Variants in CPLANE1 observed in about 807,000 individuals in gnomAD.
The protein encoded by CPLANE1 is ciliogenesis and planar polarity effector complex subunit 1.
CPLANE1 carries 263 observed loss-of-function variants against 362.5 expected under a neutral mutation model. The observed-to-expected ratio is 0.73, with a 90% confidence interval of 0.66 to 0.80. The LOEUF (loss-of-function observed/expected upper bound fraction) is 0.80. Among genes scored for constraint, CPLANE1 ranks in the 30% least tolerant of loss-of-function variants. The probability of loss-of-function intolerance (pLI) is 0.00; values close to 1 mark genes in which losing one functional copy is unlikely to be tolerated. For missense variants in CPLANE1, 3,461 were observed against 3,793.4 expected, an observed-to-expected ratio of 0.91 and a Z score of 2.30; for synonymous variants, 1,212 against 1,302.6, an observed-to-expected ratio of 0.93 and a Z score of 1.50.
chr5:37,215,207 G>A lies in CPLANE1; in HGVS notation c.2747-1475C>T, dbSNP rs542549389. ...TGGGATTATAGGCACGTGCCACCACGCCCGGCTAATTTTGTATTTTTAGTA... is the reference window on the plus strand; with the variant it reads ...TGGGATTATAGGCACGTGCCACCACACCCGGCTAATTTTGTATTTTTAGTA... On this transcript the variant is annotated intron_variant, in intron 15 of 52. Transcript: ENST00000651892. Among the ~76,000 whole-genome samples the A allele has an allele frequency of 9.3e-4, 141 of 152,054 alleles. 1 individual carries two copies. Among genetic ancestry groups the A allele is most frequent in the East Asian group, 5.8e-4 (3 of 5,172 alleles).
chr5:37,224,372 A>G, intron 13 of CPLANE1, 39 bp from the exon 14 acceptor site: 1 of 1,392,100 alleles, frequency 7.2e-7, no homozygotes, highest in Non-Finnish European at 9.8e-7. Flanking sequence ...ATAGTTAATT[A>G]TATTACTTCA....
chr5:37,239,023 A>G, intron 7 of CPLANE1, 63 bp from the exon 8 acceptor site: 1 of 819,880 alleles, frequency 1.2e-6, no homozygotes, highest in Non-Finnish European at 1.9e-6. Context: ...ATTATTTATA[A>G]TTCTGGTGAC....
At chr5:37,244,259 TCCATA>T (rs1435343883) in intron 5 of CPLANE1, 111 bp downstream of exon 5, 17 of 617,326 alleles carry the variant, frequency 2.8e-5, no homozygotes, top group Non-Finnish European at 4.4e-5. Context: ...AAATATCTTT[TCCATA>T]CAAGAATTTC....
intron 18 of CPLANE1, among the ~76,000 whole-genome samples, chr5:37,204,695 G>GGAGGAGTCA (rs1315383531): frequency 6.6e-6 from 1 of 151,432 alleles, no homozygotes; most frequent in Non-Finnish European, 1.5e-5. Flanking sequence ...TTGCTCTGCA[G>GGAGGAGTCA]GAGGAGTCAG....
intron 15 of CPLANE1, among the ~76,000 whole-genome samples, chr5:37,215,951 T>C (rs1190593312): frequency 6.6e-6 from 1 of 151,874 alleles, no homozygotes; most frequent in Non-Finnish European, 1.5e-5. Context: ...CCCGCCTCAG[T>C]CTCCTGAGTA....
chr5:37,187,733 C>A lies in CPLANE1; in HGVS notation c.3921G>T (p.Lys1307Asn). The A allele has an allele frequency of 1.2e-6, 2 of 1,610,756 alleles. No homozygotes were observed. Among genetic ancestry groups the A allele is most frequent in the Non-Finnish European group, 8.5e-7 (1 of 1,177,864 alleles). The change falls in exon 22 of 53, where the codon AAG becomes AAT. Residue 1307 changes from lysine (K) to asparagine (N), a missense_variant and splice_region_variant. Physicochemically the swap from Lys to Asn is moderately conservative, Grantham distance 94. This residue lies in a region of CPLANE1 where 3,380 missense variants were observed against 3,666.1 expected (regional missense o/e 0.92). Coordinates refer to ENST00000651892, the MANE Select transcript of CPLANE1 (RefSeq NM_001384732.1). ...QKARENVKGE[K>N]DLEVEFDSCM... Reference sequence around the variant, plus strand: ...TTCTTATTTTTGCCCTGGTAAATACCTTTTCTCCTTTTACATTTTCTCTTG... The same window carrying A: ...TTCTTATTTTTGCCCTGGTAAATACATTTTCTCCTTTTACATTTTCTCTTG...
At chr5:37,212,416 A>G (rs2150228821) in intron 16 of CPLANE1, 1 of 761,778 alleles carries the variant, frequency 1.3e-6, no homozygotes, top group African/African-American at 1.7e-5. Context: ...CTTACATACC[A>G]TGAGAAATTA....
chr5:37,189,125 C>T (rs910183269), intron 21 of CPLANE1, among the ~76,000 whole-genome samples: 1 of 152,178 alleles, frequency 6.6e-6, no homozygotes, highest in Non-Finnish European at 1.5e-5. Flanking sequence ...AGCTACCACA[C>T]CCAGCCTATG....
chr5:37,218,059 G>A (rs553788596), intron 15 of CPLANE1, among the ~76,000 whole-genome samples: 1 of 152,224 alleles, frequency 6.6e-6, no homozygotes, highest in African/African-American at 2.4e-5. Flanking sequence ...TATTTAATAA[G>A]GTAGGTGTGC....
chr5:37,244,591 C>T lies in CPLANE1; in HGVS notation c.354G>A (p.Leu118=). The T allele has an allele frequency of 6.5e-7, 1 of 1,548,744 alleles. No homozygotes were observed. Among genetic ancestry groups the T allele is most frequent in the Non-Finnish European group, 8.7e-7 (1 of 1,145,884 alleles). ...IKATVASSLR[L]YLYVSGNGKR... The stretch of plus-strand genomic sequence containing the variant: ...TCCCATTTCCAGATACATACAAGTA[C>T]AGTCTCAAAGAGCTTGCTAAAAAAG... The change falls in exon 5 of 53, where the codon CTG becomes CTA. Residue 118 remains leucine (L), a synonymous_variant. Coordinates refer to ENST00000651892, the MANE Select transcript of CPLANE1 (RefSeq NM_001384732.1).
At chr5:37,194,392 A>G (rs890807552) in intron 21 of CPLANE1, among the ~76,000 whole-genome samples, 3 of 152,198 alleles carry the variant, frequency 2.0e-5, no homozygotes, top group African/African-American at 7.2e-5. Context: ...TTTATGAGCA[A>G]ATATCTTTTA....
intron 15 of CPLANE1, among the ~76,000 whole-genome samples, chr5:37,218,215 C>G (rs185770897): frequency 6.6e-6 from 1 of 152,206 alleles, no homozygotes; most frequent in East Asian, 1.9e-4. Context: ...ACTGTATAAA[C>G]AATGTGGTTT....
intron 9 of CPLANE1, among the ~76,000 whole-genome samples, chr5:37,228,308 T>C (rs1796908578): frequency 6.6e-6 from 1 of 152,154 alleles, no homozygotes; most frequent in Non-Finnish European, 1.5e-5. Context: ...CATACAATAT[T>C]GTTATTATGA....
downstream of CPLANE1, among the ~76,000 whole-genome samples, chr5:37,104,784 A>T (rs549060612): frequency 6.6e-6 from 1 of 151,776 alleles, no homozygotes; most frequent in African/African-American, 2.4e-5. Context: ...TTAGCTGAGC[A>T]TGGTGGCAGG....
At chr5:37,223,343 C>T (rs530126010) in intron 14 of CPLANE1, among the ~76,000 whole-genome samples, 79 of 152,320 alleles carry the variant, frequency 5.2e-4, no homozygotes, top group Middle Eastern at 6.8e-3. Flanking sequence ...TTCTTCTGTG[C>T]TCCCTAAACA....
At chr5:37,239,607 A>AT in intron 7 of CPLANE1, 106 bp downstream of exon 7, 7 of 803,224 alleles carry the variant, frequency 8.7e-6, no homozygotes, top group Non-Finnish European at 1.2e-5. Flanking sequence ...AAAACCAGAA[A>AT]GAAAAAAAAA....
At chr5:37,154,331 A>C (rs1351268499) in intron 41 of CPLANE1, among the ~76,000 whole-genome samples, 1 of 152,126 alleles carries the variant, frequency 6.6e-6, no homozygotes, top group Non-Finnish European at 1.5e-5. Flanking sequence ...AGCTATCCCC[A>C]ATATTGGCTA....
At chr5:37,243,155 A>G (rs1472043958) in intron 5 of CPLANE1, 36 bp from the exon 6 acceptor site, 8 of 1,212,726 alleles carry the variant, frequency 6.6e-6, no homozygotes, top group Admixed American at 5.4e-5. Context: ...GTATAAAATT[A>G]ATCTGAAAAT....
At chr5:37,114,674 C>A (rs1158032154) in intron 51 of CPLANE1, among the ~76,000 whole-genome samples, 1 of 151,996 alleles carries the variant, frequency 6.6e-6, no homozygotes, top group Non-Finnish European at 1.5e-5. Flanking sequence ...CTAAGATGGG[C>A]GGATCACCTT....
Sources: gnomAD v4.1 joint callset for allele counts (sites outside exome capture counted in the v4.1 genomes callset) on GRCh38, gnomAD v4.1.1 for gene constraint, gnomAD v4.1.1 regional missense constraint, MANE v1.5 for transcripts, NCBI Gene and HGNC (gene_info 2026-07-23, HGNC 2026-07-21) for gene names.